LRRC2: variants seen among roughly 807,000 people sequenced by gnomAD.
LRRC2 encodes leucine rich repeat containing 2.
In LRRC2, 27 loss-of-function variants were observed where a neutral mutation model predicts 40.2. The observed-to-expected ratio is 0.67, with a 90% CI of 0.49 to 0.93. LRRC2 has a LOEUF of 0.93. Among genes scored for constraint, LRRC2 ranks in the 40% least tolerant of loss-of-function variants. The pLI is 0.00. For synonymous variants in LRRC2, 147 were observed against 158.9 expected (o/e 0.92, Z 0.56); for missense variants, 402 against 439.6 (o/e 0.91, Z 0.76).
intron 3 of LRRC2, among the ~76,000 whole-genome samples, chr3:46,540,770 T>C (rs1297448113): frequency 2.0e-5 from 3 of 152,172 alleles, no homozygotes; most frequent in African/African-American, 4.8e-5. Flanking sequence ...AGTTACCACC[T>C]GCCCCCTTCT....
chr3:46,523,508 T>C (rs1704000737), intron 7 of LRRC2, among the ~76,000 whole-genome samples: 1 of 152,248 alleles, frequency 6.6e-6, no homozygotes, highest in Admixed American at 6.5e-5. Context: ...CCTACTATTT[T>C]ACTTTTTAAA....
chr3:46,552,998 C>T (rs893491906), intron 1 of LRRC2, among the ~76,000 whole-genome samples: 1 of 152,210 alleles, frequency 6.6e-6, no homozygotes, highest in African/African-American at 2.4e-5. Flanking sequence ...ATCCCTGGCA[C>T]CTAGTATAGT....
At chr3:46,551,639 C>T (rs1235019773) in intron 1 of LRRC2, 29 bp from the exon 2 acceptor site, 1 of 1,528,432 alleles carries the variant, frequency 6.5e-7, no homozygotes, top group Non-Finnish European at 8.9e-7. Context: ...GATATGTCAG[C>T]TTGATACACA....
intron 1 of LRRC2, among the ~76,000 whole-genome samples, chr3:46,565,002 C>T (rs1559423803): frequency 1.3e-5 from 2 of 152,176 alleles, no homozygotes; most frequent in Admixed American, 1.3e-4. Context: ...TTGGAATGAA[C>T]GCAGTGAGTT....
chr3:46,541,430 A>G (rs536305164), intron 3 of LRRC2, among the ~76,000 whole-genome samples: 15 of 152,198 alleles, frequency 9.9e-5, no homozygotes, highest in Admixed American at 5.2e-4. Context: ...GAATGTATGC[A>G]TGTACTTTTG....
At chr3:46,530,717 C>G (rs1704144729) in intron 5 of LRRC2, among the ~76,000 whole-genome samples, 1 of 152,102 alleles carries the variant, frequency 6.6e-6, no homozygotes, top group Non-Finnish European at 1.5e-5. Context: ...AGAGGAACTC[C>G]CATTTATAAA....
intron 1 of LRRC2, among the ~76,000 whole-genome samples, chr3:46,555,971 A>C (rs1704782946): frequency 6.6e-6 from 1 of 152,186 alleles, no homozygotes; most frequent in Admixed American, 6.5e-5. Context: ...ATTTGAAAGC[A>C]ATCTTTTCTT....
chr3:46,552,312 G>C (rs6789154), intron 1 of LRRC2, among the ~76,000 whole-genome samples: 94,064 of 151,350 alleles, frequency 0.62, 29,680 homozygotes, highest in East Asian at 0.78. Context: ...CACGCAGGCA[G>C]GCACGCACAC....
chr3:46,554,298 G>A (rs1379946355), intron 1 of LRRC2, among the ~76,000 whole-genome samples: 3 of 60,790 alleles, frequency 4.9e-5, no homozygotes, highest in Non-Finnish European at 9.8e-5. Context: ...TGGGATTATC[G>A]GCATGAGACA....
chr3:46,537,092 G>A (rs1291078036), intron 4 of LRRC2, among the ~76,000 whole-genome samples: 3 of 152,156 alleles, frequency 2.0e-5, no homozygotes, highest in African/African-American at 7.2e-5. Context: ...CTTCTCAAAT[G>A]TATAAGGACA....
At chr3:46,544,934 G>A (rs1704492690) in intron 3 of LRRC2, 112 bp downstream of exon 3, 2 of 1,024,678 alleles carry the variant, frequency 2.0e-6, no homozygotes, top group South Asian at 2.9e-5. Context: ...CTGAGGAAGG[G>A]ACAGAAGAAC....
chr3:46,536,376 C>A (rs1034368787), intron 4 of LRRC2, among the ~76,000 whole-genome samples: 5 of 152,140 alleles, frequency 3.3e-5, no homozygotes, highest in Non-Finnish European at 7.3e-5. Context: ...ACTATGTACC[C>A]AATATGTTGG....
intron 2 of LRRC2, among the ~76,000 whole-genome samples, chr3:46,546,416 C>T (rs535795792): frequency 2.8e-4 from 42 of 152,292 alleles, no homozygotes; most frequent in Non-Finnish European, 4.0e-4. Flanking sequence ...ACTGGGCATG[C>T]GGGAAGTCCC....
At chr3:46,552,557 C>T (rs1704684110) in intron 1 of LRRC2, among the ~76,000 whole-genome samples, 1 of 152,154 alleles carries the variant, frequency 6.6e-6, no homozygotes, top group Non-Finnish European at 1.5e-5. Flanking sequence ...TTCTTCCCCT[C>T]TGGGATTGCC....
chr3:46,526,222 T>C (rs1704058921), intron 7 of LRRC2, among the ~76,000 whole-genome samples: 1 of 152,218 alleles, frequency 6.6e-6, no homozygotes. Context: ...TAAATATTTA[T>C]GCAAACCTGT....
Position 46,540,004 on chromosome 3 carries a change from A to G in LRRC2, c.334-803T>C, listed in dbSNP as rs557047495. On this transcript the variant is annotated intron_variant, in intron 3 of 8. Transcript: ENST00000395905. The stretch of plus-strand genomic sequence containing the variant: ...CCTCAGAAGCTGACCACAACGCACC[A>G]TCAGCAAAGTGGCTGGAGCACAGGG... Among the ~76,000 whole-genome samples the G allele has an allele frequency of 2.6e-5, 4 of 152,348 alleles. No individual in the cohort carries two copies. In the South Asian group the frequency reaches 8.3e-4, roughly 32 times the overall value.
intron 1 of LRRC2, among the ~76,000 whole-genome samples, chr3:46,565,316 G>A (rs1490877446): frequency 1.3e-5 from 2 of 152,178 alleles, no homozygotes; most frequent in Non-Finnish European, 1.5e-5. Flanking sequence ...TCATGTGGAC[G>A]TGATGGAGCA....
intron 3 of LRRC2, among the ~76,000 whole-genome samples, chr3:46,543,872 G>A (rs1704460779): frequency 6.6e-6 from 1 of 151,994 alleles, no homozygotes; most frequent in Non-Finnish European, 1.5e-5. Context: ...GGGGATGCAA[G>A]GGAAAGAACA....
intron 3 of LRRC2, among the ~76,000 whole-genome samples, chr3:46,544,290 G>T (rs1200538439): frequency 6.6e-6 from 1 of 152,152 alleles, no homozygotes; most frequent in Non-Finnish European, 1.5e-5. Flanking sequence ...AGGCAAAGGC[G>T]GGCAGATCAC....
Sources: allele counts gnomAD v4.1 joint callset (sites outside exome capture counted in the v4.1 genomes callset), GRCh38; gene constraint gnomAD v4.1.1; transcripts MANE v1.5; gene names NCBI Gene and HGNC (gene_info 2026-07-23, HGNC 2026-07-21).